The following ANK2 variants were observed in gnomAD, a reference collection of about 807,000 sequenced individuals.
The protein encoded by ANK2 is ankyrin 2, also known as ankyrin-2.
In ANK2, 83 loss-of-function variants were observed where a neutral mutation model predicts 360.5. That is an observed-to-expected ratio of 0.23 (90% CI 0.19 to 0.28). ANK2 has a LOEUF of 0.28. ANK2 is among the 10% of genes least tolerant of loss of function. The pLI is 1.00. For missense variants in ANK2, 4,201 were observed against 4,795.7 expected (o/e 0.88, Z 3.66); for synonymous variants, 1,740 against 1,759.5 (o/e 0.99, Z 0.28).
intron 1 of ANK2, among the ~76,000 whole-genome samples, chr4:113,165,371 A>G (rs1196374412): frequency 6.6e-6 from 1 of 152,176 alleles, no homozygotes; most frequent in African/African-American, 2.4e-5. Context: ...GATTATTTCT[A>G]TTGCTGGCCT....
At position 112,885,796 on chromosome 4, in the gene ANK2, C is replaced by CAAAA. The variant is rs750277917; in HGVS notation, c.-39-18633_-39-18630dup. 1.7e-3 allele frequency among the ~76,000 whole-genome samples: 47 copies of CAAAA among 26,926 alleles called. 3 individuals are homozygous for CAAAA. Among genetic ancestry groups the CAAAA allele is most frequent in the South Asian group, 4.1e-3 (2 of 484 alleles). The allele number at this position is 26,926 out of a possible 152,430, so 17.7% of individuals were successfully genotyped here. On this transcript the variant is annotated intron_variant, in intron 1 of 30. Coordinates refer to the ANK2 transcript ENST00000503271. ...TGGGGGACAGAGCAAGACTCTGTCT[C>CAAAA]AAAAAAAAAAAAAAAAAAAAAAAAA... is the stretch of plus-strand genomic sequence containing the variant.
At chr4:113,027,651 T>C (rs1013885616) in intron 2 of ANK2, among the ~76,000 whole-genome samples, 1 of 152,144 alleles carries the variant, frequency 6.6e-6, no homozygotes, top group Non-Finnish European at 1.5e-5. Flanking sequence ...TTTATCCCTA[T>C]TGAATGTTAT....
intron 1 of ANK2, chr4:112,826,875 G>T (rs976713183): frequency 1.1e-5 from 16 of 1,494,296 alleles, no homozygotes; most frequent in Middle Eastern, 1.9e-4. Flanking sequence ...CATCAATGAT[G>T]TGACTTCTAT....
intron 1 of ANK2, among the ~76,000 whole-genome samples, chr4:113,154,966 A>T (rs535830577): frequency 6.6e-5 from 10 of 152,334 alleles, no homozygotes; most frequent in Admixed American, 6.5e-4. Flanking sequence ...TTGGGACCAG[A>T]TCTATTCTAC....
At chr4:113,102,138 G>A (rs1329446103) in intron 1 of ANK2, among the ~76,000 whole-genome samples, 1 of 152,110 alleles carries the variant, frequency 6.6e-6, no homozygotes, top group Non-Finnish European at 1.5e-5. Context: ...AGTAGAAGTA[G>A]GGTAGCTGAT....
At position 113,358,702 on chromosome 4, in the gene ANK2, T is replaced by A. The variant is rs923915013; in HGVS notation, c.10084T>A (p.Ser3362Thr). 3.5e-5 allele frequency: 56 copies of A among 1,614,006 alleles called. No individual in the cohort carries two copies. Among genetic ancestry groups the A allele is most frequent in the Middle Eastern group, 3.3e-4 (2 of 6,058 alleles). ...CCTCCAAAGAGTTGAACAGCAGCTCTCAGATCTAGACACCTCTGTCCAGAA... is the reference window on the plus strand; with the variant it reads ...CCTCCAAAGAGTTGAACAGCAGCTCACAGATCTAGACACCTCTGTCCAGAA... ...VPLQRVEQQL[S>T]DLDTSVQKTV... is the part of the protein sequence containing the mutation. The change falls in exon 38 of 46, where the codon TCA becomes ACA. Residue 3362 changes from serine (S) to threonine (T), a missense_variant. Ser to Thr is a moderately conservative substitution (Grantham distance 58). Around this residue, in one of 4 missense-constraint regions of ANK2, gnomAD observed 2,642 missense variants for 2,714.5 expected, o/e 0.97. Transcript: ENST00000357077.
At chr4:112,951,788 T>C (rs1467954345) in intron 2 of ANK2, among the ~76,000 whole-genome samples, 1 of 152,212 alleles carries the variant, frequency 6.6e-6, no homozygotes. Flanking sequence ...GGAGCACATA[T>C]TTTACGAGTA....
At chr4:112,913,326 T>A (rs537176893) in intron 2 of ANK2, among the ~76,000 whole-genome samples, 2 of 152,350 alleles carry the variant, frequency 1.3e-5, no homozygotes, top group South Asian at 2.1e-4. Flanking sequence ...TAATTATTTT[T>A]CCTGTTGAAT....
At chr4:112,984,799 A>G (rs1578358321) in intron 2 of ANK2, among the ~76,000 whole-genome samples, 1 of 152,222 alleles carries the variant, frequency 6.6e-6, no homozygotes, top group Admixed American at 6.5e-5. Context: ...GAGCTCATGC[A>G]TTCAAACCTG....
At chr4:113,096,310 C>T (rs2090999648) in intron 1 of ANK2, among the ~76,000 whole-genome samples, 1 of 152,112 alleles carries the variant, frequency 6.6e-6, no homozygotes, top group African/African-American at 2.4e-5. Flanking sequence ...CCAATGAAAC[C>T]CCAAAATCAC....
At chr4:112,836,577 G>C (rs1028915813) in intron 1 of ANK2, among the ~76,000 whole-genome samples, 1 of 152,202 alleles carries the variant, frequency 6.6e-6, no homozygotes, top group Non-Finnish European at 1.5e-5. Context: ...CCAAAATGCT[G>C]ATAGTGATAT....
the ANK2 span, among the ~76,000 whole-genome samples, chr4:112,758,811 G>C: frequency 1.3e-5 from 2 of 152,114 alleles, no homozygotes; most frequent in South Asian, 4.1e-4. Flanking sequence ...CTGCTAATAG[G>C]AATACTGGCT....
chr4:113,334,406 G>T (rs1397179505), intron 29 of ANK2, among the ~76,000 whole-genome samples: 1 of 152,072 alleles, frequency 6.6e-6, no homozygotes, highest in Non-Finnish European at 1.5e-5. Flanking sequence ...TTTCCTCTGA[G>T]ATATTTACCT....
chr4:113,339,181 G>A, intron 31 of ANK2, 45 bp from the exon 32 acceptor site: 1 of 1,476,756 alleles, frequency 6.8e-7, no homozygotes, highest in Non-Finnish European at 9.5e-7. Context: ...AGAATCTAGA[G>A]TCTGGAGTTT....
chr4:113,016,650 A>C (rs753001308), intron 2 of ANK2, among the ~76,000 whole-genome samples: 1 of 151,954 alleles, frequency 6.6e-6, no homozygotes, highest in Non-Finnish European at 1.5e-5. Flanking sequence ...CCCCCAACAT[A>C]AGTTTTGTCC....
At chr4:112,792,049 T>C in the ANK2 span, among the ~76,000 whole-genome samples, 1 of 144,276 alleles carries the variant, frequency 6.9e-6, no homozygotes. Flanking sequence ...TTTTTTTTTT[T>C]TTTTTTTTTG....
intron 15 of ANK2, among the ~76,000 whole-genome samples, chr4:113,277,544 A>G (rs1418375329): frequency 6.6e-6 from 1 of 152,170 alleles, no homozygotes; most frequent in Non-Finnish European, 1.5e-5. Flanking sequence ...CACAAATTGG[A>G]GCCAGTTTAC....
chr4:113,174,427 T>C lies in ANK2; in HGVS notation c.96T>C (p.Asn32=), dbSNP rs758379675. 1.9e-6 allele frequency: 3 copies of C among 1,612,564 alleles called. No homozygotes were observed. Among genetic ancestry groups the C allele is most frequent in the East Asian group, 4.5e-5 (2 of 44,840 alleles). The change falls in exon 2 of 46, where the codon AAT becomes AAC. Residue 32 remains asparagine, a synonymous_variant. Coordinates refer to ENST00000357077, the MANE Select transcript of ANK2 (RefSeq NM_001148.6). ...TATTTTTCTCGCAGTCTGACAGCAA[T>C]GCAAGCTTCCTCCGTGCTGCCAGAG... ...RRKRPKKSDS[N]ASFLRAARAG...
At chr4:112,822,205 A>T (rs887698125) in intron 1 of ANK2, among the ~76,000 whole-genome samples, 1 of 150,014 alleles carries the variant, frequency 6.7e-6, no homozygotes, top group African/African-American at 2.5e-5. Context: ...GATTGAGACC[A>T]TCCTGGCTAA....
Sources: allele counts gnomAD v4.1 joint callset (sites outside exome capture counted in the v4.1 genomes callset), GRCh38; gene constraint gnomAD v4.1.1; regional missense constraint gnomAD v4.1.1; transcripts MANE v1.5; gene names NCBI Gene and HGNC (gene_info 2026-07-23, HGNC 2026-07-21).